The following NUP35 variants were observed in gnomAD, a reference collection of about 807,000 sequenced individuals.
The protein encoded by NUP35 is nucleoporin NUP35.
NUP35 carries 25 observed loss-of-function variants against 41.5 expected under a neutral mutation model. The observed-to-expected ratio is 0.60, with a 90% confidence interval of 0.44 to 0.84. NUP35 has a LOEUF of 0.84. NUP35 is among the 40% of genes least tolerant of loss of function. The pLI is 0.00. For synonymous variants in NUP35, 149 were observed against 130.7 expected (o/e 1.14, Z -0.96); for missense variants, 396 against 396.6 (o/e 1.00, Z 0.01).
Position 183,124,469 on chromosome 2 carries a change from T to C in NUP35, c.12T>C (p.Phe4=). The C allele has an allele frequency of 6.2e-7, 1 of 1,614,194 alleles. No homozygotes were observed. Among genetic ancestry groups the C allele is most frequent in the Non-Finnish European group, 8.5e-7 (1 of 1,180,022 alleles). MAA[F]AVEPQGPALG... ...TAGTTGCCGACGCAATGGCAGCCTT[T>C]GCAGTGGAACCTCAGGGGCCCGCGT... The change falls in exon 1 of 9, where the codon TTT becomes TTC. Residue 4 remains phenylalanine, a synonymous_variant. Coordinates refer to ENST00000295119, the MANE Select transcript of NUP35 (RefSeq NM_138285.5).
intron 4 of NUP35, among the ~76,000 whole-genome samples, chr2:183,141,414 A>G (rs1310735860): frequency 6.6e-6 from 1 of 152,224 alleles, no homozygotes; most frequent in Non-Finnish European, 1.5e-5. Flanking sequence ...TTAGCCAGCC[A>G]CGTCATCATA....
upstream of NUP35, among the ~76,000 whole-genome samples, chr2:183,122,794 T>C (rs1700088461): frequency 6.6e-6 from 1 of 152,222 alleles, no homozygotes; most frequent in African/African-American, 2.4e-5. Context: ...TATACCTTTC[T>C]TGGTAGCTTA....
In NUP35 at chr2:183,128,423, A is replaced by G; in HGVS notation, c.177A>G (p.Val59=). The change falls in exon 2 of 9, where the codon GTA becomes GTG. Residue 59 remains valine, a synonymous_variant. Coordinates refer to ENST00000295119, the MANE Select transcript of NUP35 (RefSeq NM_138285.5). ...PQPRSISGPS[V]GVMEMRSPLL... is the part of the protein sequence containing the mutation. ...CTCGATCAATTAGTGGCCCTTCAGT[A>G]GGAGTAATGGAAATGAGATCACCTT... The G allele has an allele frequency of 6.2e-7, 1 of 1,613,906 alleles. No homozygotes were observed. The highest frequency in any genetic ancestry group is 8.5e-7 in the Non-Finnish European group (1 of 1,179,918).
At chr2:183,142,641 G>T (rs189751580) in intron 4 of NUP35, among the ~76,000 whole-genome samples, 4,890 of 113,500 alleles carry the variant, frequency 0.043, 94 homozygotes, top group Non-Finnish European at 0.052. Flanking sequence ...CCACATGCTG[G>T]GCTACTTTTT....
At chr2:183,130,928 T>C in intron 3 of NUP35, 4 of 1,113,582 alleles carry the variant, frequency 3.6e-6, no homozygotes, top group Non-Finnish European at 4.5e-6. Flanking sequence ...TAGAGTTTCA[T>C]CTAGATCTAG....
chr2:183,153,096 G>C (rs946040826), intron 5 of NUP35, among the ~76,000 whole-genome samples: 1 of 152,132 alleles, frequency 6.6e-6, no homozygotes, highest in African/African-American at 2.4e-5. Flanking sequence ...CAGATCTCGT[G>C]AGACTTATTC....
At chr2:183,145,234 T>C (rs1685239990) in intron 4 of NUP35, among the ~76,000 whole-genome samples, 1 of 152,248 alleles carries the variant, frequency 6.6e-6, no homozygotes, top group South Asian at 2.1e-4. Context: ...CAAAGTGGGA[T>C]GTTTCATTCT....
At chr2:183,118,541 T>A (rs571511948) in intron 1 of NUP35, 2 of 152,230 alleles carry the variant, frequency 1.3e-5, no homozygotes, top group Non-Finnish European at 2.9e-5. Flanking sequence ...TATCCTTTGT[T>A]TAATGTTTAT....
chr2:183,150,384 A>G (rs994186941), intron 4 of NUP35, among the ~76,000 whole-genome samples: 1 of 152,144 alleles, frequency 6.6e-6, no homozygotes, highest in Non-Finnish European at 1.5e-5. Context: ...CTCATCTCAC[A>G]TCCCCCTCAC....
In NUP35 at chr2:183,156,367, G is replaced by T. The variant is rs375021469; in HGVS notation, c.540-1077G>T. ...ATTAATTAATTTATTTTGAGATGAG[G>T]TCTTACTCTGTCACCCGGCTGGAGT... On this transcript the variant is annotated intron_variant, in intron 5 of 8. Transcript: ENST00000295119. Among the ~76,000 whole-genome samples the T allele has an allele frequency of 5.3e-5, 8 of 152,000 alleles. No individual in the cohort carries two copies. In the East Asian group the frequency reaches 1.5e-3, roughly 29 times the overall value.
At chr2:183,138,451 T>C (rs1684971456) in intron 4 of NUP35, among the ~76,000 whole-genome samples, 1 of 151,802 alleles carries the variant, frequency 6.6e-6, no homozygotes, top group Non-Finnish European at 1.5e-5. Flanking sequence ...TGGGTTTATT[T>C]TATTTTGTAA....
intron 1 of NUP35, among the ~76,000 whole-genome samples, chr2:183,118,065 T>C (rs952620343): frequency 6.6e-6 from 1 of 152,178 alleles, no homozygotes; most frequent in Non-Finnish European, 1.5e-5. Flanking sequence ...TGGGCAGTTG[T>C]ATTTATTAAG....
intron 2 of NUP35, 102 bp downstream of exon 2, chr2:183,128,559 C>A: frequency 1.5e-6 from 1 of 674,312 alleles, no homozygotes; most frequent in Non-Finnish European, 2.3e-6. Context: ...TGACTTGGGC[C>A]ACACATAAAA....
At chr2:183,147,289 A>G (rs1412305632) in intron 4 of NUP35, among the ~76,000 whole-genome samples, 1 of 152,212 alleles carries the variant, frequency 6.6e-6, no homozygotes, top group African/African-American at 2.4e-5. Flanking sequence ...GCCAATGTCC[A>G]GAAGAGGTTT....
chr2:183,154,532 C>T (rs1391447159), intron 5 of NUP35, among the ~76,000 whole-genome samples: 1 of 152,202 alleles, frequency 6.6e-6, no homozygotes, highest in East Asian at 1.9e-4. Flanking sequence ...TGCCACCAGT[C>T]TCTTTGCTAA....
intron 4 of NUP35, among the ~76,000 whole-genome samples, chr2:183,138,803 A>G (rs1684983923): frequency 6.6e-6 from 1 of 152,164 alleles, no homozygotes; most frequent in South Asian, 2.1e-4. Flanking sequence ...TTGTGTTAGC[A>G]TATTGTTAAC....
chr2:183,151,305 G>T (rs1183579418), intron 4 of NUP35, among the ~76,000 whole-genome samples: 2 of 152,158 alleles, frequency 1.3e-5, no homozygotes, highest in Non-Finnish European at 2.9e-5. Flanking sequence ...TAAAACATTT[G>T]CAGAATTATA....
chr2:183,149,180 C>T (rs964699700), intron 4 of NUP35, among the ~76,000 whole-genome samples: 5 of 152,142 alleles, frequency 3.3e-5, no homozygotes, highest in African/African-American at 1.2e-4. Flanking sequence ...GCGCATTGAC[C>T]TGTAGAACAG....
rs905166635 is a variant in NUP35 at position 183,124,502 on chromosome 2, G to C, written c.40+5G>C. 1 of 1,614,144 alleles carries C rather than the reference G, an allele frequency of 6.2e-7. No homozygotes were observed. The highest frequency in any genetic ancestry group is 8.5e-7 in the Non-Finnish European group (1 of 1,180,014). On this transcript the variant is annotated splice_donor_5th_base_variant and intron_variant, in intron 1 of 8. Coordinates refer to ENST00000295119, the MANE Select transcript of NUP35 (RefSeq NM_138285.5). ...AACCTCAGGGGCCCGCGTTAGGTGA[G>C]TGAAATATTGCTTTTCCTTGCTGGC...
Sources: gnomAD v4.1 joint callset for allele counts (sites outside exome capture counted in the v4.1 genomes callset) on GRCh38, gnomAD v4.1.1 for gene constraint, MANE v1.5 for transcripts, NCBI Gene and HGNC (gene_info 2026-07-23, HGNC 2026-07-21) for gene names.